The following PLGRKT variants were observed in gnomAD, a reference collection of about 807,000 sequenced individuals.
PLGRKT encodes plasminogen receptor (KT).
PLGRKT carries 22 observed loss-of-function variants against 18.5 expected under a neutral mutation model. The observed-to-expected ratio is 1.19, with a 90% confidence interval of 0.85 to 1.70. The LOEUF (loss-of-function observed/expected upper bound fraction) is 1.70, where lower values mean the gene tolerates loss of function less well. PLGRKT is among the 40% of genes most tolerant of loss of function. The probability of loss-of-function intolerance (pLI) is 0.00; values close to 1 mark genes in which losing one functional copy is unlikely to be tolerated. For synonymous variants in PLGRKT, 72 were observed against 52.8 expected, an observed-to-expected ratio of 1.36 and a Z score of -1.58; for missense variants, 235 against 174.4, an observed-to-expected ratio of 1.35 and a Z score of -1.96.
intron 3 of PLGRKT, among the ~76,000 whole-genome samples, chr9:5,370,878 T>A (rs1045747048): frequency 9.2e-5 from 14 of 152,324 alleles, no homozygotes; most frequent in Non-Finnish European, 2.1e-4. Context: ...AAATGTTCAA[T>A]GTCCAGTCTA....
intron 3 of PLGRKT, among the ~76,000 whole-genome samples, chr9:5,427,523 T>A (rs561469764): frequency 6.6e-6 from 1 of 152,374 alleles, no homozygotes. Context: ...ACAATTACTC[T>A]ATTTTTATTA....
chr9:5,414,941 A>G (rs1818430721), intron 3 of PLGRKT, among the ~76,000 whole-genome samples: 1 of 152,234 alleles, frequency 6.6e-6, no homozygotes, highest in African/African-American at 2.4e-5. Context: ...TAGATATAGA[A>G]ATAAATACAG....
At position 5,418,407 on chromosome 9, in the gene PLGRKT, G is replaced by A. The variant is rs1468159092; in HGVS notation, c.81+13490C>T. The stretch of plus-strand genomic sequence containing the variant: ...TCACAGTCAAGCGCTTAGAAATGCA[G>A]GACATGTTATGGAGCACGATGCTGA... On this transcript the variant is annotated intron_variant, in intron 3 of 5. Transcript: ENST00000223864. This position sits in a 1 kb window ranked among gnomAD's most constrained non-coding sequence, Gnocchi z 4.2. 1 of 837,690 alleles carries A rather than the reference G, an allele frequency of 1.2e-6. No individual in the cohort carries two copies. Among genetic ancestry groups the A allele is most frequent in the East Asian group, 2.7e-5 (1 of 37,718 alleles). 51.9% of individuals were successfully genotyped at this position (837,690 alleles called of 1,614,324 possible).
At chr9:5,419,026 G>C in intron 3 of PLGRKT, 1 of 471,488 alleles carries the variant, frequency 2.1e-6, no homozygotes, top group South Asian at 2.5e-5. Flanking sequence ...GGAGGGAGCT[G>C]GTCTTCAGAG....
intron 3 of PLGRKT, among the ~76,000 whole-genome samples, chr9:5,400,601 T>C (rs1162192224): frequency 6.6e-6 from 1 of 151,934 alleles, no homozygotes; most frequent in East Asian, 1.9e-4. Flanking sequence ...CATCCAAATA[T>C]TTCTTCTTCT....
At chr9:5,379,932 A>T (rs2131091685) in intron 3 of PLGRKT, among the ~76,000 whole-genome samples, 1 of 152,334 alleles carries the variant, frequency 6.6e-6, no homozygotes, top group Non-Finnish European at 1.5e-5. Context: ...TATGTATTTG[A>T]TCAAAGAAAT....
At chr9:5,435,896 G>A (rs1818950690) in intron 2 of PLGRKT, among the ~76,000 whole-genome samples, 1 of 152,220 alleles carries the variant, frequency 6.6e-6, no homozygotes, top group Non-Finnish European at 1.5e-5. Context: ...CAGGTGAGTG[G>A]GAGCTGCAAG....
rs138221812 is a variant in PLGRKT, at chr9:5,397,889, C to T, written c.81+34008G>A. ...TCTAGCTTTGAGGCAGCCCTGAGAA[C>T]GATGGTCACTTTCTTCTCCTCCTTA... On this transcript the variant is annotated intron_variant, in intron 3 of 5. Coordinates refer to ENST00000223864, the MANE Select transcript of PLGRKT (RefSeq NM_018465.4). 6.1e-3 allele frequency among the ~76,000 whole-genome samples: 922 copies of T among 151,978 alleles called. 29 individuals carry two copies. Among genetic ancestry groups the T allele is most frequent in the African/African-American group, 0.022 (901 of 41,266 alleles).
Position 5,384,196 on chromosome 9 carries a change from G to A in PLGRKT, c.82-22308C>T, listed in dbSNP as rs565169123. ...AGCCATTGTTGGGGGAGATCCCCTA[G>A]AAGTGGAAGGCCTGGGACTCTACCC... On this transcript the variant is annotated intron_variant, in intron 3 of 5. Coordinates refer to ENST00000223864, the MANE Select transcript of PLGRKT (RefSeq NM_018465.4). Among the ~76,000 whole-genome samples the A allele has an allele frequency of 3.3e-4, 51 of 152,334 alleles. 1 individual carries two copies. The South Asian group carries it at 9.9e-3, about 30-fold the overall frequency.
chr9:5,367,050 C>CAT (rs1409775719), intron 3 of PLGRKT, among the ~76,000 whole-genome samples: 22 of 150,974 alleles, frequency 1.5e-4, no homozygotes, highest in African/African-American at 4.4e-4. Flanking sequence ...CACACACACA[C>CAT]ACACACACAC....
intron 2 of PLGRKT, among the ~76,000 whole-genome samples, chr9:5,435,087 G>A (rs896146062): frequency 1.3e-5 from 2 of 151,846 alleles, no homozygotes; most frequent in East Asian, 1.9e-4. Context: ...GGTGGTGCAA[G>A]ATGTGCTTTG....
At chr9:5,429,256 G>A (rs1456261933) in intron 3 of PLGRKT, among the ~76,000 whole-genome samples, 4 of 152,130 alleles carry the variant, frequency 2.6e-5, no homozygotes, top group African/African-American at 7.2e-5. Context: ...CTTCTAGGTG[G>A]TCTAATAGAA....
intron 3 of PLGRKT, among the ~76,000 whole-genome samples, chr9:5,429,353 A>G (rs1294079281): frequency 6.6e-6 from 1 of 152,250 alleles, no homozygotes. Context: ...TGCTTGGCAC[A>G]GGCACCAAAT....
chr9:5,419,266 T>A (rs1818526134), intron 3 of PLGRKT, among the ~76,000 whole-genome samples: 1 of 152,212 alleles, frequency 6.6e-6, no homozygotes, highest in African/African-American at 2.4e-5. Context: ...AACATTGCAA[T>A]ATGATTATTT....
rs1312023763 is a variant in PLGRKT at position 5,424,689 on chromosome 9, T to TAC, written c.81+7207_81+7208insGT. 1.8e-4 allele frequency among the ~76,000 whole-genome samples: 13 copies of TAC among 70,862 alleles called. 1 individual carries two copies. Among genetic ancestry groups the TAC allele is most frequent in the African/African-American group, 2.9e-4 (5 of 16,994 alleles). 46.5% of individuals were successfully genotyped at this position (70,862 alleles called of 152,430 possible). A position where few individuals can be genotyped will look rare whatever the true frequency, so the allele number is the denominator to read the frequency against. ...TATTTTATATATATATATATATATA[T>TAC]ATACACACAGGGGGGGGAGAGAGGG... On this transcript the variant is annotated intron_variant, in intron 3 of 5. Transcript: ENST00000223864.
At chr9:5,430,941 C>G (rs1818810132) in intron 3 of PLGRKT, among the ~76,000 whole-genome samples, 1 of 152,176 alleles carries the variant, frequency 6.6e-6, no homozygotes, top group Non-Finnish European at 1.5e-5. Context: ...CGTCTAAATC[C>G]AATGTTAAGG....
chr9:5,385,711 G>C (rs1034955445), intron 3 of PLGRKT, among the ~76,000 whole-genome samples: 3 of 151,778 alleles, frequency 2.0e-5, no homozygotes, highest in African/African-American at 7.3e-5. Flanking sequence ...GAAAGGAAAG[G>C]AAAGCAGCCA....
At chr9:5,372,827 AT>A (rs1278290783) in intron 3 of PLGRKT, among the ~76,000 whole-genome samples, 2 of 152,124 alleles carry the variant, frequency 1.3e-5, no homozygotes, top group African/African-American at 4.8e-5. Context: ...CAGGCATGCT[AT>A]TAGGGAGTTG....
chr9:5,402,406 C>G (rs986467089), intron 3 of PLGRKT, among the ~76,000 whole-genome samples: 2 of 151,804 alleles, frequency 1.3e-5, no homozygotes, highest in Admixed American at 6.6e-5. Context: ...TTAACCAGAT[C>G]CAGCAACAGA....
Sources: gnomAD v4.1 joint callset for allele counts (sites outside exome capture counted in the v4.1 genomes callset) on GRCh38, gnomAD v4.1.1 for gene constraint, Gnocchi (gnomAD v3.1) non-coding constraint, MANE v1.5 for transcripts, NCBI Gene and HGNC (gene_info 2026-07-23, HGNC 2026-07-21) for gene names.